LRFN5: variants seen among roughly 807,000 people sequenced by gnomAD.
LRFN5 encodes the protein leucine-rich repeat and fibronectin type-III domain-containing protein 5.
LRFN5 carries 24 observed loss-of-function variants against 45.6 expected under a neutral mutation model. That is an observed-to-expected ratio of 0.53 (90% CI 0.38 to 0.74). The LOEUF (loss-of-function observed/expected upper bound fraction) is 0.74. Among genes scored for constraint, LRFN5 ranks in the 30% least tolerant of loss-of-function variants. The pLI, the probability that LRFN5 is intolerant of heterozygous loss-of-function variation, is 0.00. For missense variants in LRFN5, 776 were observed against 861.5 expected (o/e 0.90, Z 1.24); for synonymous variants, 340 against 313.8 (o/e 1.08, Z -0.88).
intron 1 of LRFN5, among the ~76,000 whole-genome samples, chr14:41,678,792 A>G (rs573990251): frequency 6.6e-6 from 1 of 152,310 alleles, no homozygotes; most frequent in East Asian, 1.9e-4. Flanking sequence ...ACCAAAAATC[A>G]TATGAGCAGT....
chr14:41,827,582 G>C (rs1888341863), intron 2 of LRFN5, among the ~76,000 whole-genome samples: 1 of 151,844 alleles, frequency 6.6e-6, no homozygotes, highest in South Asian at 2.1e-4. Context: ...ACATTCATTA[G>C]CCATTCCCTG....
intron 5 of LRFN5, among the ~76,000 whole-genome samples, chr14:41,900,357 ATTTAT>A (rs1891066363): frequency 1.3e-5 from 2 of 151,978 alleles, no homozygotes; most frequent in East Asian, 3.9e-4. Flanking sequence ...TTGCTTATGT[ATTTAT>A]TTTAGTATAT....
intron 2 of LRFN5, among the ~76,000 whole-genome samples, chr14:41,821,966 C>T (rs1330558772): frequency 6.6e-6 from 1 of 151,866 alleles, no homozygotes; most frequent in African/African-American, 2.4e-5. Context: ...TCATAGCAGT[C>T]TCTGATGATC....
At chr14:41,680,447 G>A (rs1175131222) in intron 1 of LRFN5, among the ~76,000 whole-genome samples, 7 of 152,146 alleles carry the variant, frequency 4.6e-5, no homozygotes, top group Non-Finnish European at 1.0e-4. Context: ...GGGAAAGAAA[G>A]GGAAGACAAC....
chr14:41,674,262 C>T (rs1159135947), intron 1 of LRFN5, among the ~76,000 whole-genome samples: 5 of 127,680 alleles, frequency 3.9e-5, no homozygotes, highest in African/African-American at 1.5e-4. Context: ...CTCCTCACTT[C>T]CCAGTAGGGG....
intron 2 of LRFN5, among the ~76,000 whole-genome samples, chr14:41,886,019 C>CAAA (rs35648547): frequency 0.091 from 8,063 of 88,154 alleles, 879 homozygotes; most frequent in African/African-American, 0.23. Context: ...AGGCTCGTCT[C>CAAA]AAAAAAAAAA....
At chr14:41,777,238 G>A (rs571387381) in intron 2 of LRFN5, among the ~76,000 whole-genome samples, 3 of 151,584 alleles carry the variant, frequency 2.0e-5, no homozygotes, top group African/African-American at 7.2e-5. Flanking sequence ...GAAAAATTAT[G>A]TTGTAAATTT....
chr14:41,635,118 A>G (rs1879240877), intron 1 of LRFN5, among the ~76,000 whole-genome samples: 1 of 152,104 alleles, frequency 6.6e-6, no homozygotes, highest in African/African-American at 2.4e-5. Context: ...TGATATTTTT[A>G]TAATTTTAGA....
At chr14:41,877,638 A>G (rs902700646) in intron 2 of LRFN5, among the ~76,000 whole-genome samples, 2 of 152,048 alleles carry the variant, frequency 1.3e-5, no homozygotes, top group Non-Finnish European at 2.9e-5. Context: ...GTGTGTATAT[A>G]TATACACACG....
chr14:41,633,255 TAAAC>T (rs1253388522), intron 1 of LRFN5, among the ~76,000 whole-genome samples: 1 of 152,072 alleles, frequency 6.6e-6, no homozygotes, highest in Non-Finnish European at 1.5e-5. Context: ...ATAATATATA[TAAAC>T]AAATAGCTGT....
chr14:41,904,023 A>G, intron 5 of LRFN5, 135 bp from the exon 6 acceptor site: 1 of 672,022 alleles, frequency 1.5e-6, no homozygotes, highest in Non-Finnish European at 2.5e-6. Context: ...GCTGTATTTC[A>G]TGGCAAGCAA....
intron 1 of LRFN5, among the ~76,000 whole-genome samples, chr14:41,725,878 G>T (rs1883909577): frequency 6.6e-6 from 1 of 151,972 alleles, no homozygotes; most frequent in South Asian, 2.1e-4. Context: ...ATATTTATTT[G>T]CTTTCTCTTA....
At chr14:41,636,191 C>G (rs17112148) in intron 1 of LRFN5, among the ~76,000 whole-genome samples, 5,841 of 152,060 alleles carry the variant, frequency 0.038, 363 homozygotes, top group East Asian at 0.28. Context: ...ATATTTGAAG[C>G]AATGAGACTG....
chr14:41,681,827 T>TATTTATTTATTTA (rs58384478), intron 1 of LRFN5, among the ~76,000 whole-genome samples: 25,700 of 141,404 alleles, frequency 0.18, 2,807 homozygotes, highest in East Asian at 0.42. Flanking sequence ...TTTATTTATT[T>TATTTATTTATTTA]TTTTTTTTTG....
At chr14:41,662,919 C>T (rs960245909) in intron 1 of LRFN5, among the ~76,000 whole-genome samples, 1 of 152,052 alleles carries the variant, frequency 6.6e-6, no homozygotes, top group East Asian at 1.9e-4. Flanking sequence ...TGCCAACCAC[C>T]TTCTTTACAT....
intron 2 of LRFN5, among the ~76,000 whole-genome samples, chr14:41,792,875 C>T (rs1212186159): frequency 6.6e-6 from 1 of 151,776 alleles, no homozygotes; most frequent in East Asian, 2.0e-4. Flanking sequence ...ACAGGCATAA[C>T]AAATTATAAA....
chr14:41,653,467 T>C (rs1313683510), intron 1 of LRFN5, among the ~76,000 whole-genome samples: 1 of 152,156 alleles, frequency 6.6e-6, no homozygotes, highest in Non-Finnish European at 1.5e-5. Flanking sequence ...AATAAATTTC[T>C]GTTTTTTATA....
At chr14:41,784,419 C>T (rs1468516908) in intron 2 of LRFN5, among the ~76,000 whole-genome samples, 2 of 151,728 alleles carry the variant, frequency 1.3e-5, no homozygotes, top group East Asian at 1.9e-4. Flanking sequence ...ACACAGTAAT[C>T]ATTTAGGTTT....
intron 1 of LRFN5, among the ~76,000 whole-genome samples, chr14:41,649,565 A>T (rs562240379): frequency 6.6e-6 from 1 of 152,216 alleles, no homozygotes; most frequent in Admixed American, 6.5e-5. Flanking sequence ...CTTCATTATA[A>T]AATCCAGTTT....
Sources: gnomAD v4.1 joint callset for allele counts (sites outside exome capture counted in the v4.1 genomes callset) on GRCh38, gnomAD v4.1.1 for gene constraint, MANE v1.5 for transcripts, NCBI Gene and HGNC (gene_info 2026-07-23, HGNC 2026-07-21) for gene names.